Variants in PAPSS1 observed in about 807,000 individuals in gnomAD.
PAPSS1 encodes bifunctional 3'-phosphoadenosine 5'-phosphosulfate synthase 1.
PAPSS1 carries 50 observed loss-of-function variants against 72.0 expected under a neutral mutation model. The observed-to-expected ratio is 0.69, with a 90% CI of 0.55 to 0.88. PAPSS1 has a LOEUF of 0.88. Among genes scored for constraint, PAPSS1 ranks in the 40% least tolerant of loss-of-function variants. The pLI is 0.00. For missense variants in PAPSS1, 657 were observed against 782.2 expected (o/e 0.84, Z 1.91); for synonymous variants, 261 against 263.6 (o/e 0.99, Z 0.09).
chr4:107,690,860 C>T (rs891779825), intron 3 of PAPSS1, among the ~76,000 whole-genome samples: 4 of 152,040 alleles, frequency 2.6e-5, no homozygotes, highest in Non-Finnish European at 5.9e-5. Flanking sequence ...ACCCAGGTGT[C>T]GGCTGATAGC....
At position 107,644,958 on chromosome 4, in the gene PAPSS1, G is replaced by A. The variant is rs1390530717; in HGVS notation, c.1350C>T (p.Leu450=). ...LERGYRRPVL[L]LHPLGGWTKD... is the part of the protein sequence containing the mutation. ...TTGTCCAGCCACCCAGAGGGTGGAG[G>A]AGGAGGACAGGGCGCCGGTAGCCCC... is the stretch of plus-strand genomic sequence containing the variant. The change falls in exon 10 of 12, where the codon CTC becomes CTT. Residue 450 remains leucine (L), a synonymous_variant. Coordinates refer to ENST00000265174, the MANE Select transcript of PAPSS1 (RefSeq NM_005443.5). The A allele has an allele frequency of 1.9e-6, 3 of 1,613,838 alleles. No individual in the cohort carries two copies. The highest frequency in any genetic ancestry group is 2.5e-6 in the Non-Finnish European group (3 of 1,179,874).
intron 11 of PAPSS1, among the ~76,000 whole-genome samples, chr4:107,618,843 A>T (rs1269536887): frequency 6.6e-6 from 1 of 152,104 alleles, no homozygotes; most frequent in Admixed American, 6.6e-5. Flanking sequence ...TTGACTAGTT[A>T]TGGAGGGGGT....
chr4:107,694,788 A>G lies in PAPSS1; in HGVS notation c.176-782T>C, dbSNP rs867342731. Among the ~76,000 whole-genome samples, 5 of 152,238 alleles carry G rather than the reference A, an allele frequency of 3.3e-5. No homozygotes were observed. The South Asian group carries it at 8.3e-4, about 25-fold the overall frequency. Reference sequence around the variant, plus strand: ...TCACCTTCCTATACCAACAGTATTTACTCAGTAAACAAAGAGAAGGAAAGA... The same window carrying G: ...TCACCTTCCTATACCAACAGTATTTGCTCAGTAAACAAAGAGAAGGAAAGA... On this transcript the variant is annotated intron_variant, in intron 2 of 11. Coordinates refer to ENST00000265174, the MANE Select transcript of PAPSS1 (RefSeq NM_005443.5).
At chr4:107,690,563 T>C (rs1722889571) in intron 3 of PAPSS1, among the ~76,000 whole-genome samples, 2 of 152,302 alleles carry the variant, frequency 1.3e-5, no homozygotes, top group Admixed American at 6.5e-5. Context: ...TCCTTCAGAA[T>C]AGGAAGTATC....
rs572140657 is a variant in PAPSS1 at position 107,685,235 on chromosome 4, C to A, written c.550+1804G>T. On this transcript the variant is annotated intron_variant, in intron 4 of 11. Coordinates refer to ENST00000265174, the MANE Select transcript of PAPSS1 (RefSeq NM_005443.5). ...TCCACCTTCTCATCCATCCAACAAG[C>A]ATTAACTATGTGTGTGACAGGTGTA... is the stretch of plus-strand genomic sequence containing the variant. 3.3e-5 allele frequency among the ~76,000 whole-genome samples: 5 copies of A among 152,322 alleles called. No homozygotes were observed. The South Asian group carries it at 1.0e-3, about 32-fold the overall frequency.
intron 11 of PAPSS1, among the ~76,000 whole-genome samples, chr4:107,626,182 A>C (rs1015640194): frequency 9.9e-5 from 15 of 151,782 alleles, no homozygotes; most frequent in Non-Finnish European, 1.8e-4. Context: ...TGTCTCAAAA[A>C]AAAAAAAAAA....
At chr4:107,651,889 T>C (rs1726848954) in intron 9 of PAPSS1, among the ~76,000 whole-genome samples, 1 of 152,202 alleles carries the variant, frequency 6.6e-6, no homozygotes, top group African/African-American at 2.4e-5. Flanking sequence ...TTAGGTACCA[T>C]CAATATCCTC....
At chr4:107,689,613 C>G (rs775328329) in intron 3 of PAPSS1, among the ~76,000 whole-genome samples, 1 of 152,268 alleles carries the variant, frequency 6.6e-6, no homozygotes, top group East Asian at 1.9e-4. Flanking sequence ...TTCTAACTAT[C>G]CTTTTAAAGG....
chr4:107,616,986 AC>A (rs1302845209), intron 11 of PAPSS1, among the ~76,000 whole-genome samples: 1 of 152,012 alleles, frequency 6.6e-6, no homozygotes, highest in Non-Finnish European at 1.5e-5. Flanking sequence ...TCACCTCCAC[AC>A]TAGTCAGCTT....
intron 4 of PAPSS1, among the ~76,000 whole-genome samples, chr4:107,684,373 C>A (rs896134205): frequency 1.3e-5 from 2 of 152,112 alleles, no homozygotes; most frequent in African/African-American, 4.8e-5. Context: ...AGAAGAAAAT[C>A]AAAATATTTT....
At chr4:107,694,072 T>C (rs1378073130) in intron 2 of PAPSS1, 66 bp from the exon 3 acceptor site, 21 of 959,172 alleles carry the variant, frequency 2.2e-5, no homozygotes, top group Non-Finnish European at 3.0e-5. Context: ...TAGTAATACT[T>C]TTTTTTTCCC....
At chr4:107,643,381 C>G (rs540503589) in intron 10 of PAPSS1, among the ~76,000 whole-genome samples, 1 of 152,168 alleles carries the variant, frequency 6.6e-6, no homozygotes, top group African/African-American at 2.4e-5. Context: ...GGTATAATGC[C>G]TATTTCCCAT....
At chr4:107,669,003 A>C (rs773639811) in intron 5 of PAPSS1, among the ~76,000 whole-genome samples, 4 of 152,308 alleles carry the variant, frequency 2.6e-5, no homozygotes, top group Non-Finnish European at 4.4e-5. Context: ...TCCTTGCTTT[A>C]AAGCAACATG....
chr4:107,666,367 T>C lies in PAPSS1; in HGVS notation c.670-6295A>G, dbSNP rs536360293. ...GCCATCTAGTGACCAATTTAGGGTCTAGGAAAATAAAAAAATCCTGATTTG... is the reference window on the plus strand; with the variant it reads ...GCCATCTAGTGACCAATTTAGGGTCCAGGAAAATAAAAAAATCCTGATTTG... On this transcript the variant is annotated intron_variant, in intron 5 of 11. Transcript: ENST00000265174. Among the ~76,000 whole-genome samples the C allele has an allele frequency of 2.6e-5, 4 of 152,306 alleles. No homozygotes were observed. In the South Asian group the frequency reaches 8.3e-4, roughly 32 times the overall value.
At chr4:107,643,499 C>T (rs575330460) in intron 10 of PAPSS1, among the ~76,000 whole-genome samples, 3 of 152,322 alleles carry the variant, frequency 2.0e-5, no homozygotes, top group African/African-American at 7.2e-5. Flanking sequence ...TAGAATCCTG[C>T]TCCCTTCCTT....
At chr4:107,653,257 A>C (rs1726904668) in intron 9 of PAPSS1, among the ~76,000 whole-genome samples, 1 of 152,156 alleles carries the variant, frequency 6.6e-6, no homozygotes, top group African/African-American at 2.4e-5. Flanking sequence ...AATAAATAAA[A>C]GGTAAATTCT....
At chr4:107,640,984 C>G (rs927538900) in intron 10 of PAPSS1, among the ~76,000 whole-genome samples, 2 of 152,098 alleles carry the variant, frequency 1.3e-5, no homozygotes, top group African/African-American at 4.8e-5. Flanking sequence ...AAGCACAAAG[C>G]TACTTTGAGG....
intron 1 of PAPSS1, among the ~76,000 whole-genome samples, chr4:107,710,437 T>C (rs572585047): frequency 6.6e-6 from 1 of 152,372 alleles, no homozygotes; most frequent in African/African-American, 2.4e-5. Flanking sequence ...TTTGTCTTCT[T>C]GTGCCTATAT....
chr4:107,643,251 A>C (rs1726601230), intron 10 of PAPSS1, among the ~76,000 whole-genome samples: 1 of 152,206 alleles, frequency 6.6e-6, no homozygotes, highest in African/African-American at 2.4e-5. Context: ...GGCCTCCTGC[A>C]AGAAGGGAGC....
Sources: allele counts gnomAD v4.1 joint callset (sites outside exome capture counted in the v4.1 genomes callset), GRCh38; gene constraint gnomAD v4.1.1; transcripts MANE v1.5; gene names NCBI Gene and HGNC (gene_info 2026-07-23, HGNC 2026-07-21).